The following IKBKB variants were observed in gnomAD, a reference collection of about 807,000 sequenced individuals.
The protein encoded by IKBKB is inhibitor of nuclear factor kappa B kinase subunit beta.
Under a neutral mutation model 113.6 loss-of-function variants are expected in IKBKB, and 42 were observed. That is an observed-to-expected ratio of 0.37 (90% CI 0.29 to 0.48). IKBKB has a LOEUF of 0.48. IKBKB is among the 20% of genes least tolerant of loss of function. The pLI, the probability that IKBKB is intolerant of heterozygous loss-of-function variation, is 0.99. For synonymous variants in IKBKB, 296 were observed against 361.3 expected (o/e 0.82, Z 2.05); for missense variants, 673 against 939.7 (o/e 0.72, Z 3.71).
chr8:42,303,882 T>A (rs1815948857), intron 5 of IKBKB, among the ~76,000 whole-genome samples: 1 of 152,252 alleles, frequency 6.6e-6, no homozygotes, highest in South Asian at 2.1e-4. Context: ...CTCTTTGGTG[T>A]ATGTGTTGTA....
At chr8:42,306,673 C>G (rs1342035235) in intron 7 of IKBKB, among the ~76,000 whole-genome samples, 12 of 152,256 alleles carry the variant, frequency 7.9e-5, no homozygotes, top group Non-Finnish European at 1.8e-4. Context: ...CTTGCACCAT[C>G]CCCTAGCCTC....
chr8:42,285,020 C>A (rs540975286), intron 2 of IKBKB, among the ~76,000 whole-genome samples: 2 of 151,884 alleles, frequency 1.3e-5, no homozygotes, highest in Non-Finnish European at 2.9e-5. Flanking sequence ...TTGCACCCAG[C>A]TAATTTTTTA....
At chr8:42,310,195 T>G (rs1289033826) in intron 8 of IKBKB, among the ~76,000 whole-genome samples, 18 of 152,252 alleles carry the variant, frequency 1.2e-4, no homozygotes, top group Admixed American at 1.2e-3. Context: ...GGCCACACAC[T>G]AGTTTAAATG....
At position 42,287,393 on chromosome 8, in the gene IKBKB, G is replaced by A. The variant is rs938683247; in HGVS notation, c.106-1241G>A. Reference sequence around the variant, plus strand: ...TTACTCTGCAGAAAGTAACTCTTTGGCATGTGCACTGAAGGAATTACCTGT... The same window carrying A: ...TTACTCTGCAGAAAGTAACTCTTTGACATGTGCACTGAAGGAATTACCTGT... On this transcript the variant is annotated intron_variant, in intron 2 of 21. Transcript: ENST00000520810. Among the ~76,000 whole-genome samples the A allele has an allele frequency of 1.3e-5, 2 of 152,262 alleles. 1 individual carries two copies.
chr8:42,329,175 C>T lies in IKBKB; in HGVS notation c.2166C>T (p.Ala722=), dbSNP rs200992978. The T allele has an allele frequency of 1.3e-4, 210 of 1,604,030 alleles. No individual in the cohort carries two copies. The highest frequency in any genetic ancestry group is 4.6e-4 in the South Asian group (41 of 88,894). ...ACCTCTGCACCCTGCTAGAAAATGC[C>T]ATACAGGACACTGTGAGGGAACAAG... The part of the protein sequence containing the change: ...AHNLCTLLEN[A]IQDTVREQDQ... Residue 722 remains alanine (A), a synonymous_variant, in exon 21 of 22, where the codon GCC becomes GCT. Transcript: ENST00000520810.
intron 5 of IKBKB, 113 bp downstream of exon 5, chr8:42,293,625 G>A: frequency 2.5e-6 from 4 of 1,582,032 alleles, no homozygotes; most frequent in South Asian, 2.3e-5. Flanking sequence ...CTCTGTGGAA[G>A]GGGAATGGGA....
Position 42,320,779 on chromosome 8 carries a change from G to A in IKBKB, c.1623G>A (p.Gln541=), listed in dbSNP as rs202230688. The A allele has an allele frequency of 1.6e-5, 25 of 1,611,270 alleles. No homozygotes were observed. The highest frequency in any genetic ancestry group is 2.0e-5 in the Non-Finnish European group (24 of 1,178,694). Residue 541 remains glutamine (Q), a synonymous_variant, in exon 16 of 22, where the codon CAG becomes CAA. Coordinates refer to ENST00000520810, the MANE Select transcript of IKBKB (RefSeq NM_001556.3). ...TGGTAGAACGGATGATGGCTCTGCA[G>A]ACCGACATTGTGGACTTACAGAGGA... ...KLLVERMMAL[Q]TDIVDLQRSP...
chr8:42,328,199 G>C (rs953475227), intron 20 of IKBKB, among the ~76,000 whole-genome samples: 2 of 148,376 alleles, frequency 1.3e-5, no homozygotes, highest in Non-Finnish European at 3.0e-5. Context: ...CGCCCGCCTT[G>C]GTCTCCCAAA....
At chr8:42,290,361 A>G (rs1415243363) in intron 4 of IKBKB, 88 bp downstream of exon 4, 1 of 867,950 alleles carries the variant, frequency 1.2e-6, no homozygotes, top group Non-Finnish European at 1.9e-6. Flanking sequence ...CACTTCTGTC[A>G]TCATCAGGAA....
At chr8:42,311,669 C>T (rs555741474) in intron 8 of IKBKB, among the ~76,000 whole-genome samples, 26 of 152,128 alleles carry the variant, frequency 1.7e-4, no homozygotes, top group African/African-American at 5.3e-4. Flanking sequence ...TTCAATTCCA[C>T]GTTTACCTCC....
chr8:42,315,729 CTT>C (rs1294150695), intron 9 of IKBKB, among the ~76,000 whole-genome samples: 3 of 152,164 alleles, frequency 2.0e-5, no homozygotes, highest in African/African-American at 4.8e-5. Context: ...GTGGCACAGT[CTT>C]GGCTCACTGC....
chr8:42,312,272 C>A (rs1450470669), intron 8 of IKBKB, among the ~76,000 whole-genome samples: 1 of 152,204 alleles, frequency 6.6e-6, no homozygotes, highest in Non-Finnish European at 1.5e-5. Flanking sequence ...GAGTTAAAAT[C>A]CATTAGAACT....
chr8:42,330,193 C>T, intron 21 of IKBKB: 18 of 985,338 alleles, frequency 1.8e-5, no homozygotes, highest in Non-Finnish European at 2.2e-5. Flanking sequence ...GTGGTACTGA[C>T]GTCGACTTTC....
At chr8:42,297,230 A>G (rs1040866413) in intron 5 of IKBKB, among the ~76,000 whole-genome samples, 2 of 152,146 alleles carry the variant, frequency 1.3e-5, no homozygotes, top group Non-Finnish European at 2.9e-5. Context: ...AAATCCATTA[A>G]ATTTCTTTTT....
intron 6 of IKBKB, 34 bp downstream of exon 6, chr8:42,305,309 G>C: frequency 7.0e-7 from 1 of 1,419,942 alleles, no homozygotes; most frequent in Non-Finnish European, 1.0e-6. Flanking sequence ...AAAGCCTCAG[G>C]TGGGCGTGCC....
At chr8:42,283,840 C>G (rs773611324) in intron 2 of IKBKB, among the ~76,000 whole-genome samples, 3 of 152,182 alleles carry the variant, frequency 2.0e-5, no homozygotes, top group African/African-American at 7.2e-5. Flanking sequence ...TTGGTTTAGT[C>G]TCAGTCATTC....
At chr8:42,288,778 C>G in intron 3 of IKBKB, 50 bp downstream of exon 3, 1 of 1,438,044 alleles carries the variant, frequency 7.0e-7, no homozygotes, top group Non-Finnish European at 9.6e-7. Context: ...GCAGCAGCCC[C>G]CGGTGTGTCT....
At chr8:42,307,599 A>G (rs1337000959) in intron 7 of IKBKB, among the ~76,000 whole-genome samples, 3 of 152,176 alleles carry the variant, frequency 2.0e-5, no homozygotes, top group Non-Finnish European at 4.4e-5. Context: ...AGCCACCACA[A>G]TTGGGAGTGA....
chr8:42,305,086 A>G lies in IKBKB; in HGVS notation c.389-101A>G, dbSNP rs1350661794. 16 of 775,058 alleles carry G rather than the reference A, an allele frequency of 2.1e-5. No homozygotes were observed. The Admixed American group carries it at 3.0e-4, about 15-fold the overall frequency. 48.0% of individuals were successfully genotyped at this position (775,058 alleles called of 1,614,324 possible). ...GAGGTATTGCGCTACAAGTCAGAGT[A>G]TGTTTCAGGGGCATGCGGCATTTAT... On this transcript the variant is annotated intron_variant, in intron 5 of 21. Coordinates refer to ENST00000520810, the MANE Select transcript of IKBKB (RefSeq NM_001556.3).
Sources: allele counts gnomAD v4.1 joint callset (sites outside exome capture counted in the v4.1 genomes callset), GRCh38; gene constraint gnomAD v4.1.1; transcripts MANE v1.5; gene names NCBI Gene and HGNC (gene_info 2026-07-23, HGNC 2026-07-21).